NR3C2: variants seen among roughly 807,000 people sequenced by gnomAD.
NR3C2 encodes the protein nuclear receptor subfamily 3 group C member 2, also known as mineralocorticoid receptor.
In NR3C2, 15 loss-of-function variants were observed where a neutral mutation model predicts 86.4. That is an observed-to-expected ratio of 0.17 (90% CI 0.12 to 0.27). The LOEUF is 0.27. Ranked by LOEUF, NR3C2 falls within the 10% of genes least tolerant of loss-of-function variation. The pLI, the probability that NR3C2 is intolerant of heterozygous loss-of-function variation, is 1.00. For missense variants in NR3C2, 960 were observed against 1,195.6 expected, an observed-to-expected ratio of 0.80 and a Z score of 2.91; for synonymous variants, 458 against 450.5, an observed-to-expected ratio of 1.02 and a Z score of -0.21.
intron 2 of NR3C2, among the ~76,000 whole-genome samples, chr4:148,316,639 T>A (rs1334689106): frequency 6.6e-6 from 1 of 152,226 alleles, no homozygotes; most frequent in African/African-American, 2.4e-5. Context: ...AAAATTATGC[T>A]CAGTTATATA....
intron 4 of NR3C2, among the ~76,000 whole-genome samples, chr4:148,179,266 G>T (rs1041961887): frequency 6.6e-6 from 1 of 151,428 alleles, no homozygotes; most frequent in Non-Finnish European, 1.5e-5. Context: ...AGGACAGTTC[G>T]GATTATAGGT....
intron 2 of NR3C2, among the ~76,000 whole-genome samples, chr4:148,377,308 G>A (rs1746729146): frequency 6.6e-6 from 1 of 152,198 alleles, no homozygotes; most frequent in South Asian, 2.1e-4. Flanking sequence ...ATGGTATGAG[G>A]GCACTAGCCT....
chr4:148,424,046 C>T (rs1293862309), intron 2 of NR3C2, among the ~76,000 whole-genome samples: 1 of 152,142 alleles, frequency 6.6e-6, no homozygotes, highest in African/African-American at 2.4e-5. Context: ...CTATTGTACT[C>T]TTAGTTCTAG....
chr4:148,334,874 CCT>C (rs1371284764), intron 2 of NR3C2, among the ~76,000 whole-genome samples: 1 of 152,122 alleles, frequency 6.6e-6, no homozygotes, highest in Non-Finnish European at 1.5e-5. Flanking sequence ...GAATCTGCCC[CCT>C]GCTTCTCTCC....
intron 3 of NR3C2, among the ~76,000 whole-genome samples, chr4:148,242,516 C>T (rs1739106216): frequency 6.6e-6 from 1 of 152,196 alleles, no homozygotes; most frequent in African/African-American, 2.4e-5. Context: ...GGGTCCACAG[C>T]ATACAGATTT....
chr4:148,414,363 T>TA (rs1213459812), intron 2 of NR3C2, among the ~76,000 whole-genome samples: 1 of 152,178 alleles, frequency 6.6e-6, no homozygotes, highest in Non-Finnish European at 1.5e-5. Context: ...GTCTCTCATT[T>TA]AAAGAAAGAT....
intron 1 of NR3C2, among the ~76,000 whole-genome samples, chr4:148,438,649 T>C (rs948992561): frequency 6.7e-6 from 1 of 148,532 alleles, no homozygotes; most frequent in Non-Finnish European, 1.5e-5. Context: ...ACAGAATATG[T>C]ATTAACATTG....
chr4:148,232,057 G>A (rs1284230375), intron 3 of NR3C2, among the ~76,000 whole-genome samples: 1 of 152,158 alleles, frequency 6.6e-6, no homozygotes, highest in Non-Finnish European at 1.5e-5. Flanking sequence ...ACCCCTCAAA[G>A]TCATCCATGA....
chr4:148,431,353 G>C (rs1187735082), intron 2 of NR3C2, among the ~76,000 whole-genome samples: 1 of 152,138 alleles, frequency 6.6e-6, no homozygotes, highest in Non-Finnish European at 1.5e-5. Context: ...GTATGTTAAA[G>C]GATACTCTAT....
intron 2 of NR3C2, among the ~76,000 whole-genome samples, chr4:148,315,351 T>A (rs1264180433): frequency 6.6e-6 from 1 of 152,228 alleles, no homozygotes; most frequent in Non-Finnish European, 1.5e-5. Context: ...CAAGGTACTA[T>A]GTTAAGTTGT....
At chr4:148,139,117 C>A (rs1733489901) in intron 6 of NR3C2, among the ~76,000 whole-genome samples, 1 of 152,270 alleles carries the variant, frequency 6.6e-6, no homozygotes, top group East Asian at 1.9e-4. Context: ...ACAATATGGA[C>A]AAATGATGAT....
At chr4:148,284,258 T>C (rs1445897395) in intron 2 of NR3C2, among the ~76,000 whole-genome samples, 3 of 152,046 alleles carry the variant, frequency 2.0e-5, no homozygotes, top group Non-Finnish European at 4.4e-5. Flanking sequence ...GATTCAAAAA[T>C]TAGAAGGCCA....
At chr4:148,318,795 G>A (rs920439371) in intron 2 of NR3C2, among the ~76,000 whole-genome samples, 1 of 152,072 alleles carries the variant, frequency 6.6e-6, no homozygotes, top group Non-Finnish European at 1.5e-5. Context: ...CAGATGAGTA[G>A]GTTGTGAAAA....
intron 2 of NR3C2, among the ~76,000 whole-genome samples, chr4:148,402,958 T>C (rs1050807340): frequency 6.6e-5 from 10 of 152,078 alleles, no homozygotes; most frequent in Admixed American, 2.0e-4. Flanking sequence ...TCTTTTTTTG[T>C]AATGAGGAGC....
chr4:148,443,729 C>G (rs1319723801), upstream of NR3C2, among the ~76,000 whole-genome samples: 1 of 152,162 alleles, frequency 6.6e-6, no homozygotes, highest in Non-Finnish European at 1.5e-5. Flanking sequence ...AGCCCGGCGG[C>G]GGCAGCTGTG....
intron 2 of NR3C2, among the ~76,000 whole-genome samples, chr4:148,429,446 C>T (rs371572829): frequency 5.3e-5 from 8 of 151,962 alleles, no homozygotes; most frequent in African/African-American, 1.7e-4. Context: ...TTTTTTTTGT[C>T]CTGTTTCCTT....
chr4:148,297,781 C>T (rs903553119), intron 2 of NR3C2, among the ~76,000 whole-genome samples: 1 of 151,588 alleles, frequency 6.6e-6, no homozygotes, highest in African/African-American at 2.4e-5. Flanking sequence ...ACCAGCTACT[C>T]AGGAGGCTGA....
At chr4:148,222,056 T>C (rs1467417006) in intron 3 of NR3C2, among the ~76,000 whole-genome samples, 1 of 152,124 alleles carries the variant, frequency 6.6e-6, no homozygotes. Flanking sequence ...CCATATCTGG[T>C]ACATAATAAG....
chr4:148,172,539 T>C (rs1387565920), intron 4 of NR3C2, among the ~76,000 whole-genome samples: 9 of 152,188 alleles, frequency 5.9e-5, no homozygotes, highest in East Asian at 1.9e-4. Context: ...AATACCATCG[T>C]TTGGACTCTG....
Sources: gnomAD v4.1 joint callset for allele counts (sites outside exome capture counted in the v4.1 genomes callset) on GRCh38, gnomAD v4.1.1 for gene constraint, MANE v1.5 for transcripts, NCBI Gene and HGNC (gene_info 2026-07-23, HGNC 2026-07-21) for gene names.